ANO2: variants seen among roughly 807,000 people sequenced by gnomAD.
ANO2 encodes the protein anoctamin-2.
ANO2 carries 101 observed loss-of-function variants against 124.2 expected under a neutral mutation model. The observed-to-expected ratio is 0.81, with a 90% CI of 0.69 to 0.96. The LOEUF is 0.96. ANO2 is among the 40% of genes least tolerant of loss of function. The pLI, the probability that ANO2 is intolerant of heterozygous loss-of-function variation, is 0.00. For synonymous variants in ANO2, 486 were observed against 482.5 expected, an observed-to-expected ratio of 1.01 and a Z score of -0.09; for missense variants, 1,293 against 1,274.5, an observed-to-expected ratio of 1.01 and a Z score of -0.22.
At chr12:5,732,824 A>G in intron 13 of ANO2, 194 bp from the exon 14 acceptor site, 2 of 1,613,134 alleles carry the variant, frequency 1.2e-6, no homozygotes, top group Non-Finnish European at 1.7e-6. Flanking sequence ...TGAGGAAGAG[A>G]CAAGGGACAC....
intron 10 of ANO2, among the ~76,000 whole-genome samples, chr12:5,774,007 A>G (rs764203882): frequency 6.6e-6 from 1 of 152,248 alleles, no homozygotes; most frequent in Admixed American, 6.5e-5. Flanking sequence ...AAGATGAATT[A>G]CTGTGGCCTT....
rs752700191 is a variant in ANO2, at chr12:5,599,556, G to A, written c.2161C>T (p.His721Tyr). The A allele has an allele frequency of 6.8e-6, 11 of 1,613,946 alleles. No individual in the cohort carries two copies. The highest frequency in any genetic ancestry group is 2.7e-5 in the African/African-American group (2 of 75,044). Reference protein sequence around the residue: ...AGETDSAHSKHPEQWDLDYSL... With the variant: ...AGETDSAHSKYPEQWDLDYSL... ...TAGTCTAGGTCCCACTGCTCTGGATGTTTCGAATGGGCAGAGTCAGTTTCT... is the reference window on the plus strand; with the variant it reads ...TAGTCTAGGTCCCACTGCTCTGGATATTTCGAATGGGCAGAGTCAGTTTCT... Residue 721 changes from histidine to tyrosine, a missense_variant, in exon 20 of 25, where the codon CAT becomes TAT. Physicochemically the swap from His to Tyr is moderately conservative, Grantham distance 83. Coordinates refer to ENST00000682330, the MANE Select transcript of ANO2 (RefSeq NM_001364791.2).
chr12:5,654,428 A>G (rs1413409476), intron 14 of ANO2, among the ~76,000 whole-genome samples: 1 of 152,188 alleles, frequency 6.6e-6, no homozygotes, highest in African/African-American at 2.4e-5. Flanking sequence ...GATGGTGGAA[A>G]ATATTGAAAG....
chr12:5,886,642 G>C (rs1231245163), intron 3 of ANO2, among the ~76,000 whole-genome samples: 1 of 152,118 alleles, frequency 6.6e-6, no homozygotes, highest in Non-Finnish European at 1.5e-5. Context: ...GTAGATGTTG[G>C]ATATGTCTAT....
chr12:5,862,831 C>T lies in ANO2; in HGVS notation c.535-8690G>A, dbSNP rs1019397823. 5.9e-5 allele frequency among the ~76,000 whole-genome samples: 9 copies of T among 152,108 alleles called. No individual in the cohort carries two copies. Among genetic ancestry groups the T allele is most frequent in the African/African-American group, 2.2e-4 (9 of 41,418 alleles). On this transcript the variant is annotated intron_variant, in intron 3 of 24. Coordinates refer to ENST00000682330, the MANE Select transcript of ANO2 (RefSeq NM_001364791.2). This position sits in a 1 kb window ranked among gnomAD's most constrained non-coding sequence, Gnocchi z 4.0. ...TTGAGACAAAATTTCGCTCTTGTTA[C>T]CCAGGCTGGAGTGCAATGGCGCAAT...
intron 20 of ANO2, among the ~76,000 whole-genome samples, chr12:5,586,847 G>A (rs1168890078): frequency 2.0e-5 from 3 of 152,146 alleles, no homozygotes; most frequent in Admixed American, 1.3e-4. Context: ...CTAATATATG[G>A]GGTAGTTTTC....
chr12:5,688,283 G>A (rs1461690474), intron 14 of ANO2, among the ~76,000 whole-genome samples: 1 of 152,200 alleles, frequency 6.6e-6, no homozygotes, highest in African/African-American at 2.4e-5. Context: ...CAAAGGGAAG[G>A]AAGCCTGGCC....
At position 5,732,575 on chromosome 12, in the gene ANO2, C is replaced by G. The variant is rs1950686917; in HGVS notation, c.1490G>C (p.Ser497Thr). The G allele has an allele frequency of 6.2e-7, 1 of 1,613,946 alleles. No homozygotes were observed. The highest frequency in any genetic ancestry group is 8.5e-7 in the Non-Finnish European group (1 of 1,179,870). ...TKVREKMLKE[S>T]NQSAVQKLET... Reference sequence around the variant, plus strand: ...CAATTTCTGGACAGCAGACTGGTTGCTCTCCTTTAGCATTTTCTCTCGAAC... The same window carrying G: ...CAATTTCTGGACAGCAGACTGGTTGGTCTCCTTTAGCATTTTCTCTCGAAC... The change falls in exon 14 of 25, where the codon AGC (serine) becomes ACC (threonine). Residue 497 changes from serine (S) to threonine (T), a missense_variant. By Grantham distance (58) the Ser-to-Thr change is moderately conservative. Transcript: ENST00000682330.
Position 5,807,372 on chromosome 12 carries a change from C to A in ANO2, c.893-4G>T. 1 of 1,553,702 alleles carries A rather than the reference C, an allele frequency of 6.4e-7. No individual in the cohort carries two copies. Among genetic ancestry groups the A allele is most frequent in the South Asian group, 1.2e-5 (1 of 83,582 alleles). On this transcript the variant is annotated splice_polypyrimidine_tract_variant and splice_region_variant and intron_variant, in intron 7 of 24. Transcript: ENST00000682330. ...TTTGCGATCAGAGAGTTAATACCTA[C>A]GGAAGAAAGGGAGATGAAAATAGTA... is the stretch of plus-strand genomic sequence containing the variant.
chr12:5,852,474 G>C (rs1954941591), intron 4 of ANO2, among the ~76,000 whole-genome samples: 1 of 152,138 alleles, frequency 6.6e-6, no homozygotes, highest in African/African-American at 2.4e-5. Context: ...ACCTGCCGTG[G>C]AGTTATTGTC....
intron 10 of ANO2, among the ~76,000 whole-genome samples, chr12:5,784,221 C>G (rs1952480123): frequency 6.6e-6 from 1 of 152,146 alleles, no homozygotes; most frequent in Non-Finnish European, 1.5e-5. Context: ...ATTCAAAACT[C>G]AGCTTAGCCA....
chr12:5,923,833 T>C (rs992483103), intron 1 of ANO2, among the ~76,000 whole-genome samples: 9 of 152,320 alleles, frequency 5.9e-5, no homozygotes, highest in African/African-American at 2.2e-4. Flanking sequence ...TTCTCTCCTC[T>C]GAGAAACACT....
At chr12:5,836,467 T>C (rs142665668) in intron 4 of ANO2, among the ~76,000 whole-genome samples, 1 of 152,232 alleles carries the variant, frequency 6.6e-6, no homozygotes, top group Non-Finnish European at 1.5e-5. Flanking sequence ...TTTCTACTCT[T>C]GCCCACCTCC....
At chr12:5,588,180 G>C (rs913887672) in intron 20 of ANO2, among the ~76,000 whole-genome samples, 1 of 151,850 alleles carries the variant, frequency 6.6e-6, no homozygotes, top group Non-Finnish European at 1.5e-5. Context: ...AACGGGGGAG[G>C]TCTAGCCAGT....
At chr12:5,893,936 G>A (rs542910564) in intron 3 of ANO2, among the ~76,000 whole-genome samples, 2 of 152,234 alleles carry the variant, frequency 1.3e-5, no homozygotes, top group East Asian at 3.9e-4. Context: ...TGTCAATAGT[G>A]CTGCAATAAA....
intron 3 of ANO2, among the ~76,000 whole-genome samples, chr12:5,907,471 C>T (rs6489673): frequency 1 from 152,147 of 152,346 alleles, 75,974 homozygotes; most frequent in Non-Finnish European, 1. Context: ...GCAATTGGCA[C>T]ATATGCCTTG....
chr12:5,649,147 T>A (rs1946790439), intron 14 of ANO2, among the ~76,000 whole-genome samples: 1 of 152,018 alleles, frequency 6.6e-6, no homozygotes, highest in Non-Finnish European at 1.5e-5. Context: ...GAATCCCTGG[T>A]CAGTTTGGGA....
At chr12:5,744,072 C>A in intron 12 of ANO2, 85 bp downstream of exon 12, 1 of 1,533,328 alleles carries the variant, frequency 6.5e-7, no homozygotes, top group Non-Finnish European at 8.9e-7. Flanking sequence ...AGTAAGTAAC[C>A]TGAAGGGGAT....
chr12:5,918,916 C>T (rs1565778390), intron 3 of ANO2, among the ~76,000 whole-genome samples: 3 of 152,156 alleles, frequency 2.0e-5, no homozygotes, highest in African/African-American at 2.4e-5. Context: ...TCCAGCAAGG[C>T]ATCTATTACT....
Sources: gnomAD v4.1 joint callset for allele counts (sites outside exome capture counted in the v4.1 genomes callset) on GRCh38, gnomAD v4.1.1 for gene constraint, Gnocchi (gnomAD v3.1) non-coding constraint, MANE v1.5 for transcripts, NCBI Gene and HGNC (gene_info 2026-07-23, HGNC 2026-07-21) for gene names.